Variants in ITGB3 observed in about 807,000 individuals in gnomAD.
ITGB3 encodes the protein integrin beta-3.
In ITGB3, 48 loss-of-function variants were observed where a neutral mutation model predicts 85.8. The ratio of observed to expected loss-of-function variants is 0.56; its 90% CI spans 0.44 to 0.71. The LOEUF (loss-of-function observed/expected upper bound fraction) is 0.71. Ranked by LOEUF, ITGB3 falls within the 30% of genes least tolerant of loss-of-function variation. The pLI is 0.00. For missense variants in ITGB3, 861 were observed against 1,019.1 expected (o/e 0.84, Z 2.11); for synonymous variants, 363 against 395.6 (o/e 0.92, Z 0.98).
chr17:47,292,641 G>A, intron 10 of ITGB3, 73 bp downstream of exon 10: 1 of 1,520,252 alleles, frequency 6.6e-7, no homozygotes, highest in South Asian at 1.1e-5. Flanking sequence ...TGGAAACATA[G>A]GTGAAGGCCT....
chr17:47,280,976 G>T (rs2065081976), intron 2 of ITGB3, among the ~76,000 whole-genome samples: 3 of 152,150 alleles, frequency 2.0e-5, no homozygotes, highest in Admixed American at 6.5e-5. Flanking sequence ...TCCTAGCTCT[G>T]CAACTTTGAG....
chr17:47,304,592 GTTTTGTTTTTGTTTTTGT>G (rs370019711), intron 13 of ITGB3, among the ~76,000 whole-genome samples: 1 of 151,920 alleles, frequency 6.6e-6, no homozygotes, highest in African/African-American at 2.4e-5. Flanking sequence ...TGCTTTTTTT[GTTTTGTTTTTGTTTTTGT>G]TTTTGTTTTT....
At chr17:47,289,472 AC>A in intron 6 of ITGB3, among the ~76,000 whole-genome samples, 1 of 152,182 alleles carries the variant, frequency 6.6e-6, no homozygotes, top group East Asian at 1.9e-4. Context: ...ATAGGCACTT[AC>A]CACCACATCT....
At chr17:47,272,704 T>C (rs61506479) in intron 1 of ITGB3, among the ~76,000 whole-genome samples, 18 of 65,506 alleles carry the variant, frequency 2.7e-4, no homozygotes, top group South Asian at 2.1e-3. Flanking sequence ...TCTTTCCTTC[T>C]TTCTTTCTTT....
Position 47,287,142 on chromosome 17 carries a change from T to C in ITGB3, c.850T>C (p.Leu284=), listed in dbSNP as rs764328887. Residue 284 remains leucine (L), a synonymous_variant, in exon 6 of 15, where the codon TTG becomes CTG. Transcript: ENST00000559488. Reference sequence around the variant, plus strand: ...CACTGATGCCAAGACTCATATAGCATTGGACGGAAGGCTGGCAGGCATTGT... The same window carrying C: ...CACTGATGCCAAGACTCATATAGCACTGGACGGAAGGCTGGCAGGCATTGT... ...FTTDAKTHIA[L]DGRLAGIVQP... 8.7e-6 allele frequency: 14 copies of C among 1,613,960 alleles called. No homozygotes were observed. The highest frequency in any genetic ancestry group is 2.2e-5 in the South Asian group (2 of 91,082).
At chr17:47,302,568 A>G (rs1226663573) in intron 12 of ITGB3, among the ~76,000 whole-genome samples, 153 bp from the exon 13 acceptor site, 1 of 152,250 alleles carries the variant, frequency 6.6e-6, no homozygotes, top group South Asian at 2.1e-4. Flanking sequence ...CAACTGCCAG[A>G]CACAACAGCC....
Position 47,299,992 on chromosome 17 carries a change from C to T in ITGB3, c.1913+462C>T, listed in dbSNP as rs572184176. Among the ~76,000 whole-genome samples, 7 of 152,224 alleles carry T rather than the reference C, an allele frequency of 4.6e-5. No individual in the cohort carries two copies. The highest frequency in any genetic ancestry group is 7.4e-5 in the Non-Finnish European group (5 of 68,024). The stretch of plus-strand genomic sequence containing the variant: ...ACCACTTTAAGCAGGGCCAGATTTA[C>T]GAGTGTGCAACCTATGCAGCTGTAT... On this transcript the variant is annotated intron_variant, in intron 11 of 14. Coordinates refer to ENST00000559488, the MANE Select transcript of ITGB3 (RefSeq NM_000212.3). The surrounding 1 kb of genome is among the most constrained non-coding windows in gnomAD (Gnocchi z 5.1).
intron 12 of ITGB3, among the ~76,000 whole-genome samples, chr17:47,301,488 AAC>A (rs1279611470): frequency 6.6e-6 from 1 of 152,166 alleles, no homozygotes; most frequent in Non-Finnish European, 1.5e-5. Flanking sequence ...AGTTTGAAGA[AAC>A]AGTTTTTCCT....
chr17:47,295,768 C>T (rs561036411), intron 10 of ITGB3, among the ~76,000 whole-genome samples: 3 of 102,442 alleles, frequency 2.9e-5, no homozygotes, highest in South Asian at 6.2e-4. Context: ...AGTGAAAGGC[C>T]GGGGGGCGGG....
At chr17:47,310,067 GA>G (rs1293773948) in intron 14 of ITGB3, 71 bp from the exon 15 acceptor site, 1 of 1,355,748 alleles carries the variant, frequency 7.4e-7, no homozygotes, top group African/African-American at 1.4e-5. Flanking sequence ...CTTCTGAGAT[GA>G]ATTTTAAACA....
chr17:47,255,019 C>T (rs754350310), intron 1 of ITGB3, among the ~76,000 whole-genome samples: 10 of 152,088 alleles, frequency 6.6e-5, no homozygotes, highest in Non-Finnish European at 1.3e-4. Flanking sequence ...TGCTCTGTCG[C>T]CCAGGCTGGA....
intron 9 of ITGB3, 81 bp from the exon 10 acceptor site, chr17:47,292,058 G>T: frequency 6.8e-7 from 1 of 1,477,544 alleles, no homozygotes; most frequent in East Asian, 2.3e-5. Flanking sequence ...GGCAGGGCAG[G>T]GAACAACTTT....
intron 3 of ITGB3, 91 bp from the exon 4 acceptor site, chr17:47,284,352 A>G (rs958495233): frequency 1.3e-6 from 2 of 1,511,368 alleles, no homozygotes; most frequent in South Asian, 2.3e-5. Context: ...TGCTTTGATC[A>G]TGCAATTTCT....
At chr17:47,272,807 T>G (rs2065050446) in intron 1 of ITGB3, among the ~76,000 whole-genome samples, 1 of 151,738 alleles carries the variant, frequency 6.6e-6, no homozygotes, top group East Asian at 1.9e-4. Context: ...GGAGTCTCAC[T>G]GTGTCACCCA....
Position 47,312,524 on chromosome 17 carries a change from C to G in ITGB3, c.*2320C>G, listed in dbSNP as rs1030833217. Among the ~76,000 whole-genome samples the G allele has an allele frequency of 2.0e-5, 3 of 152,146 alleles. No homozygotes were observed. The highest frequency in any genetic ancestry group is 2.0e-4 in the Admixed American group (3 of 15,280). On this transcript the variant is annotated 3_prime_UTR_variant, in exon 15 of 15. Transcript: ENST00000559488. ...CTACTAAGACAGGTGTGGTGGCTCACGCCTGTGATTATAATCTTCAGTTAC... is the reference window on the plus strand; with the variant it reads ...CTACTAAGACAGGTGTGGTGGCTCAGGCCTGTGATTATAATCTTCAGTTAC...
rs745599243 is a variant in ITGB3 at position 47,312,090 on chromosome 17, A to G, written c.*1886A>G. On this transcript the variant is annotated 3_prime_UTR_variant, in exon 15 of 15. Transcript: ENST00000559488. ...CTTTGGCAAGAGCAGATGTCATTCCATATCACCTTTCTCAATGAAAGTCTC... is the reference window on the plus strand; with the variant it reads ...CTTTGGCAAGAGCAGATGTCATTCCGTATCACCTTTCTCAATGAAAGTCTC... 3.3e-5 allele frequency among the ~76,000 whole-genome samples: 5 copies of G among 152,154 alleles called. No individual in the cohort carries two copies. The highest frequency in any genetic ancestry group is 7.2e-5 in the African/African-American group (3 of 41,440).
intron 1 of ITGB3, among the ~76,000 whole-genome samples, chr17:47,262,555 C>G (rs2065012202): frequency 1.3e-5 from 2 of 152,196 alleles, no homozygotes; most frequent in Admixed American, 1.3e-4. Flanking sequence ...TGGATACTTC[C>G]AGGACTGGCA....
intron 2 of ITGB3, among the ~76,000 whole-genome samples, chr17:47,282,972 A>G (rs918400216): frequency 1.3e-5 from 2 of 152,240 alleles, no homozygotes; most frequent in African/African-American, 4.8e-5. Flanking sequence ...TCCACAGTTA[A>G]AAAATGCTGG....
intron 10 of ITGB3, among the ~76,000 whole-genome samples, chr17:47,294,282 A>T (rs901038862): frequency 6.6e-6 from 1 of 152,240 alleles, no homozygotes; most frequent in Non-Finnish European, 1.5e-5. Context: ...TTGAAGTGGG[A>T]GACCCCTGGG....
Sources: allele counts gnomAD v4.1 joint callset (sites outside exome capture counted in the v4.1 genomes callset), GRCh38; gene constraint gnomAD v4.1.1; non-coding constraint Gnocchi (gnomAD v3.1); transcripts MANE v1.5; gene names NCBI Gene and HGNC (gene_info 2026-07-23, HGNC 2026-07-21).